The following ANKRD36B variants were observed in gnomAD, a reference collection of about 807,000 sequenced individuals.
The protein encoded by ANKRD36B is ankyrin repeat domain-containing protein 36B.
A neutral mutation model predicts 135.7 loss-of-function variants in ANKRD36B; 37 were observed. That is an observed-to-expected ratio of 0.27 (90% CI 0.21 to 0.36). The LOEUF (loss-of-function observed/expected upper bound fraction) is 0.36, where lower values mean the gene tolerates loss of function less well. Among genes scored for constraint, ANKRD36B ranks in the 10% least tolerant of loss-of-function variants. The probability of loss-of-function intolerance (pLI) is 1.00; values close to 1 mark genes in which losing one functional copy is unlikely to be tolerated. For synonymous variants in ANKRD36B, 179 were observed against 348.1 expected, an observed-to-expected ratio of 0.51 and a Z score of 5.41; for missense variants, 549 against 1,037.1, an observed-to-expected ratio of 0.53 and a Z score of 6.46.
At chr2:97,553,602 A>AT (rs2104688610) in intron 14 of ANKRD36B, among the ~76,000 whole-genome samples, 1 of 152,108 alleles carries the variant, frequency 6.6e-6, no homozygotes, top group South Asian at 2.1e-4. Context: ...GATTTCTCGT[A>AT]TATCTAAAAG....
At chr2:97,587,663 T>C (rs1573115206) in intron 1 of ANKRD36B, among the ~76,000 whole-genome samples, 1 of 152,188 alleles carries the variant, frequency 6.6e-6, no homozygotes, top group African/African-American at 2.4e-5. Flanking sequence ...GATATTTTAG[T>C]ATAACGGAAT....
rs189659406 is a variant in ANKRD36B, at chr2:97,541,564, C to T, written c.1885+347G>A. On this transcript the variant is annotated intron_variant, in intron 28 of 43. Transcript: ENST00000359901. ...CTCTGTTTATAACAATATAATCTGA[C>T]GCCTATAATATCTATTACTTCATCT... is the stretch of plus-strand genomic sequence containing the variant. Among the ~76,000 whole-genome samples the T allele has an allele frequency of 4.0e-4, 38 of 96,152 alleles. 13 individuals are homozygous for T. The highest frequency in any genetic ancestry group is 9.0e-4 in the African/African-American group (29 of 32,188). The allele number at this position is 96,152 out of a possible 152,430, so 63.1% of individuals were successfully genotyped here. A position where few individuals can be genotyped will look rare whatever the true frequency, so the allele number is the denominator to read the frequency against.
intron 1 of ANKRD36B, among the ~76,000 whole-genome samples, chr2:97,588,116 A>T (rs1321314308): frequency 6.6e-6 from 1 of 151,876 alleles, no homozygotes; most frequent in Non-Finnish European, 1.5e-5. Context: ...ATGCATCAAT[A>T]TAAGTAGGCA....
In ANKRD36B at chr2:97,524,869, G is replaced by T. The variant is rs2104392809; in HGVS notation, c.2266-1402C>A. 2.1e-5 allele frequency: 2 copies of T among 96,484 alleles called. 1 individual carries two copies. Among genetic ancestry groups the T allele is most frequent in the East Asian group, 4.6e-4 (2 of 4,354 alleles). The allele number at this position is 96,484 out of a possible 1,614,324, so 6.0% of individuals were successfully genotyped here. ...AAGTAAGTCCTGAATATATAAAGAG[G>T]TCCTTTCTATCACAACACTTTTTCA... On this transcript the variant is annotated intron_variant, in intron 35 of 43. Transcript: ENST00000359901.
At chr2:97,563,442 ACACACACACACATT>A (rs1275177233) in intron 6 of ANKRD36B, among the ~76,000 whole-genome samples, 1 of 151,930 alleles carries the variant, frequency 6.6e-6, no homozygotes, top group African/African-American at 2.4e-5. Flanking sequence ...ACACACACAC[ACACACACACACATT>A]CACACACAAA....
Position 97,543,649 on chromosome 2 carries a change from G to T in ANKRD36B, c.1783+141C>A, listed in dbSNP as rs534098869. ...GACCAGCAGCATCAGCGTCACCCAA[G>T]AACTTATTAAAAATGAAGAATGTCA... On this transcript the variant is annotated intron_variant, in intron 26 of 43. Coordinates refer to ENST00000359901, the MANE Select transcript of ANKRD36B (RefSeq NM_001393939.1). 1.6e-4 allele frequency: 41 copies of T among 249,598 alleles called. 9 individuals are homozygous for T. The highest frequency in any genetic ancestry group is 1.1e-3 in the African/African-American group (37 of 35,074). The allele number at this position is 249,598 out of a possible 1,614,324, so 15.5% of individuals were successfully genotyped here.
intron 18 of ANKRD36B, among the ~76,000 whole-genome samples, chr2:97,550,783 C>A (rs6754340): frequency 0.059 from 8,953 of 151,602 alleles, 539 homozygotes; most frequent in African/African-American, 0.17. Context: ...AGCAGTAACC[C>A]CAAAATTATA....
intron 6 of ANKRD36B, among the ~76,000 whole-genome samples, chr2:97,562,989 C>T (rs972825749): frequency 3.3e-5 from 5 of 151,954 alleles, no homozygotes; most frequent in Non-Finnish European, 5.9e-5. Flanking sequence ...GCCTATCTTA[C>T]CTGTTTTCCT....
chr2:97,587,574 C>T (rs962646142), intron 1 of ANKRD36B, among the ~76,000 whole-genome samples: 13 of 152,156 alleles, frequency 8.5e-5, no homozygotes, highest in African/African-American at 1.9e-4. Context: ...ATAAAATCCA[C>T]TATAAGGGGT....
chr2:97,582,603 A>C (rs2082699098), intron 3 of ANKRD36B, among the ~76,000 whole-genome samples: 1 of 152,226 alleles, frequency 6.6e-6, no homozygotes, highest in Non-Finnish European at 1.5e-5. Context: ...CGAGTCTCCT[A>C]AACCTTCCAT....
At chr2:97,551,612 T>G in intron 16 of ANKRD36B, 132 bp from the exon 17 acceptor site, 1 of 1,433,352 alleles carries the variant, frequency 7.0e-7, no homozygotes, top group Non-Finnish European at 9.6e-7. Flanking sequence ...TTCTACTTTG[T>G]GTCTGGGGAT....
At chr2:97,559,579 T>C (rs2080840986) in intron 8 of ANKRD36B, among the ~76,000 whole-genome samples, 1 of 151,982 alleles carries the variant, frequency 6.6e-6, no homozygotes, top group South Asian at 2.1e-4. Context: ...TGTGGTATAA[T>C]AATTTGCCTA....
In ANKRD36B at chr2:97,523,581, G is replaced by T. The variant is rs1470602601; in HGVS notation, c.2266-114C>A. 2.7e-6 allele frequency: 2 copies of T among 730,322 alleles called. 1 individual carries two copies. Among genetic ancestry groups the T allele is most frequent in the African/African-American group, 3.8e-5 (2 of 52,252 alleles). 45.2% of individuals were successfully genotyped at this position (730,322 alleles called of 1,614,324 possible). On this transcript the variant is annotated intron_variant, in intron 35 of 43. Transcript: ENST00000359901. The stretch of plus-strand genomic sequence containing the variant: ...TCTATGAGCACAAACACAGGTACCT[G>T]TTCCATACTTTTTTTTTAAGCAATT...
At chr2:97,547,356 G>A (rs2079564958) in intron 22 of ANKRD36B, 180 bp downstream of exon 22, 3 of 742,338 alleles carry the variant, frequency 4.0e-6, no homozygotes, top group Admixed American at 3.1e-5. Flanking sequence ...ACCTTACTGC[G>A]AAGATCATGT....
rs756066203 is a variant in ANKRD36B at position 97,589,722 on chromosome 2, A to T, written c.-37T>A. ...ACCTCTCCCGCTCGTCGTCTTCCTTAATCGTCGGCTGCAAATTGTAGCCTG... is the reference window on the plus strand; with the variant it reads ...ACCTCTCCCGCTCGTCGTCTTCCTTTATCGTCGGCTGCAAATTGTAGCCTG... On this transcript the variant is annotated 5_prime_UTR_variant, in exon 1 of 44. Coordinates refer to ENST00000359901, the MANE Select transcript of ANKRD36B (RefSeq NM_001393939.1). 6.2e-7 allele frequency: 1 copy of T among 1,613,550 alleles called. No homozygotes were observed. Among genetic ancestry groups the T allele is most frequent in the South Asian group, 1.1e-5 (1 of 91,030 alleles).
chr2:97,528,559 A>C lies in ANKRD36B; in HGVS notation c.2265+3752T>G, dbSNP rs1281439516. Among the ~76,000 whole-genome samples the C allele has an allele frequency of 3.2e-5, 3 of 93,352 alleles. 1 individual carries two copies. The highest frequency in any genetic ancestry group is 9.6e-5 in the African/African-American group (3 of 31,232). The allele number at this position is 93,352 out of a possible 152,430, so 61.2% of individuals were successfully genotyped here. ...GGCAAGAAATAACTAAAATCAGAGC[A>C]GAACTGAAGGAAATAGAGACACAAA... On this transcript the variant is annotated intron_variant, in intron 35 of 43. Coordinates refer to ENST00000359901, the MANE Select transcript of ANKRD36B (RefSeq NM_001393939.1).
At chr2:97,562,302 T>C (rs2081096305) in intron 6 of ANKRD36B, among the ~76,000 whole-genome samples, 1 of 152,002 alleles carries the variant, frequency 6.6e-6, no homozygotes, top group East Asian at 1.9e-4. Flanking sequence ...TGTTTAGTAC[T>C]CTAAAAATGC....
intron 18 of ANKRD36B, among the ~76,000 whole-genome samples, chr2:97,549,842 CAT>C (rs1339060629): frequency 6.6e-6 from 1 of 151,990 alleles, no homozygotes; most frequent in African/African-American, 2.4e-5. Flanking sequence ...TATGATTTCT[CAT>C]ATGTCAAAAA....
intron 6 of ANKRD36B, among the ~76,000 whole-genome samples, chr2:97,570,535 C>T (rs1005569739): frequency 3.9e-5 from 6 of 152,198 alleles, no homozygotes; most frequent in Non-Finnish European, 2.9e-5. Context: ...ATGTGTGAGA[C>T]AGCATGCCTA....
Sources: allele counts gnomAD v4.1 joint callset (sites outside exome capture counted in the v4.1 genomes callset), GRCh38; gene constraint gnomAD v4.1.1; transcripts MANE v1.5; gene names NCBI Gene and HGNC (gene_info 2026-07-23, HGNC 2026-07-21).